Variants in ELP4 observed in about 807,000 individuals in gnomAD.
ELP4 encodes elongator acetyltransferase complex subunit 4, also known as elongator complex protein 4.
ELP4 carries 51 observed loss-of-function variants against 48.9 expected under a neutral mutation model. That is an observed-to-expected ratio of 1.04 (90% CI 0.83 to 1.32). The LOEUF (loss-of-function observed/expected upper bound fraction) is 1.32. Ranked by LOEUF, ELP4 falls within the 40% of genes most tolerant of loss-of-function variation. The pLI is 0.00. For missense variants in ELP4, 519 were observed against 514.6 expected (o/e 1.01, Z -0.08); for synonymous variants, 210 against 189.2 (o/e 1.11, Z -0.90).
At chr11:31,620,371 G>A (rs888285908) in intron 5 of ELP4, among the ~76,000 whole-genome samples, 3 of 152,004 alleles carry the variant, frequency 2.0e-5, no homozygotes, top group African/African-American at 7.2e-5. Flanking sequence ...TGAAAGGTGT[G>A]GTAGACAATG....
At chr11:31,586,736 G>T (rs2133979200) in intron 3 of ELP4, among the ~76,000 whole-genome samples, 1 of 151,980 alleles carries the variant, frequency 6.6e-6, no homozygotes, top group Non-Finnish European at 1.5e-5. Context: ...CCGCCTCCTG[G>T]GTTCAACGCC....
chr11:31,664,000 GTAGAA>G (rs1479512771), intron 9 of ELP4: 3 of 152,156 alleles, frequency 2.0e-5, no homozygotes, highest in East Asian at 3.9e-4. Context: ...TGTTTACGAT[GTAGAA>G]TAGAAGATTG....
At chr11:31,511,477 T>A (rs1250976683) in intron 1 of ELP4, 1 of 152,136 alleles carries the variant, frequency 6.6e-6, no homozygotes, top group Non-Finnish European at 1.5e-5. Flanking sequence ...AGATTCTCAG[T>A]AAGTTGTTGA....
chr11:31,594,734 A>G (rs781551571), intron 3 of ELP4, 36 bp from the exon 4 acceptor site: 5 of 1,431,172 alleles, frequency 3.5e-6, no homozygotes, highest in Non-Finnish European at 4.6e-6. Context: ...ATATTTTACC[A>G]CAGAATCTCA....
At chr11:31,510,321 G>A (rs1565027114) in intron 1 of ELP4, 2 of 506,352 alleles carry the variant, frequency 3.9e-6, no homozygotes, top group East Asian at 5.7e-5. Flanking sequence ...ATTAATTTAT[G>A]GAGATGGTTT....
At chr11:31,730,824 C>T (rs1350712791) in intron 9 of ELP4, among the ~76,000 whole-genome samples, 2 of 152,162 alleles carry the variant, frequency 1.3e-5, no homozygotes, top group Non-Finnish European at 2.9e-5. Context: ...TTCCTTCTAG[C>T]CTGACATAGG....
At chr11:31,583,786 A>G (rs1195185113) in intron 3 of ELP4, among the ~76,000 whole-genome samples, 3 of 152,192 alleles carry the variant, frequency 2.0e-5, no homozygotes, top group South Asian at 4.1e-4. Flanking sequence ...CCTATTTTCT[A>G]TTCTAGAACT....
At chr11:31,576,646 A>G (rs993989656) in intron 3 of ELP4, among the ~76,000 whole-genome samples, 1 of 152,192 alleles carries the variant, frequency 6.6e-6, no homozygotes, top group African/African-American at 2.4e-5. Flanking sequence ...CTCACTCAAA[A>G]CCACTCAACT....
intron 7 of ELP4, chr11:31,646,022 G>A (rs911681519): frequency 6.6e-6 from 1 of 151,648 alleles, no homozygotes; most frequent in Non-Finnish European, 1.5e-5. Flanking sequence ...CAACCTGGAT[G>A]AGTTTGATAT....
rs185471386 is a variant in ELP4 at position 31,550,293 on chromosome 11, G to A, written c.381+10510G>A. Among the ~76,000 whole-genome samples the A allele has an allele frequency of 3.8e-3, 577 of 152,142 alleles. 5 individuals are homozygous for A. Among genetic ancestry groups the A allele is most frequent in the African/African-American group, 0.013 (520 of 41,526 alleles). ...ATAAAGTCATTAATGGTGAGAAAGA[G>A]AATAGAGGAAAAATGCAGAATTTGG... On this transcript the variant is annotated intron_variant, in intron 3 of 9. Transcript: ENST00000640961.
intron 5 of ELP4, among the ~76,000 whole-genome samples, chr11:31,622,314 C>T (rs1028803130): frequency 6.6e-6 from 1 of 151,566 alleles, no homozygotes; most frequent in East Asian, 1.9e-4. Flanking sequence ...GTATATTGTT[C>T]TTTACTCATA....
Position 31,758,418 on chromosome 11 carries a change from G to A in ELP4, c.1144-24975G>A, listed in dbSNP as rs549047425. Among the ~76,000 whole-genome samples the A allele has an allele frequency of 9.8e-5, 15 of 152,324 alleles. No individual in the cohort carries two copies. In the South Asian group the frequency reaches 3.1e-3, roughly 32 times the overall value. On this transcript the variant is annotated intron_variant, in intron 9 of 9. Coordinates refer to ENST00000640961, the MANE Select transcript of ELP4 (RefSeq NM_019040.5). ...AATGGTTGTTGAAATCAAATAGATA[G>A]ACTTATAGGAACTTGATTGTTAAGC...
intron 9 of ELP4, among the ~76,000 whole-genome samples, chr11:31,699,213 C>T (rs1230634574): frequency 5.3e-5 from 8 of 152,076 alleles, no homozygotes; most frequent in Admixed American, 2.6e-4. Context: ...AGGGAAGCCT[C>T]TTGGCAAGAT....
intron 9 of ELP4, among the ~76,000 whole-genome samples, chr11:31,680,694 G>A (rs927554849): frequency 6.6e-6 from 1 of 152,146 alleles, no homozygotes; most frequent in African/African-American, 2.4e-5. Context: ...AATGTTGTAT[G>A]CAATAGAGAA....
At chr11:31,683,014 G>A (rs1946086562) in intron 9 of ELP4, among the ~76,000 whole-genome samples, 1 of 151,824 alleles carries the variant, frequency 6.6e-6, no homozygotes, top group Non-Finnish European at 1.5e-5. Flanking sequence ...AGTATATTTG[G>A]TACTAGCCAA....
At chr11:31,576,670 A>G (rs1424372621) in intron 3 of ELP4, among the ~76,000 whole-genome samples, 3 of 152,208 alleles carry the variant, frequency 2.0e-5, no homozygotes, top group Non-Finnish European at 4.4e-5. Flanking sequence ...TGGAAACTGA[A>G]CAACCTGCTC....
At chr11:31,546,587 G>T (rs1434002580) in intron 3 of ELP4, among the ~76,000 whole-genome samples, 11 of 152,020 alleles carry the variant, frequency 7.2e-5, no homozygotes, top group Non-Finnish European at 1.5e-4. Flanking sequence ...GAGACAGAAA[G>T]TCAACAAAGA....
At chr11:31,705,796 G>T (rs561242282) in intron 9 of ELP4, among the ~76,000 whole-genome samples, 1 of 152,156 alleles carries the variant, frequency 6.6e-6, no homozygotes, top group East Asian at 1.9e-4. Context: ...ATTCTACATG[G>T]TAAATTTTCA....
intron 9 of ELP4, among the ~76,000 whole-genome samples, chr11:31,690,796 C>CTTTTTTTTTT: frequency 9.1e-6 from 1 of 109,612 alleles, no homozygotes; most frequent in Non-Finnish European, 1.9e-5. Context: ...GTTTTTTTTC[C>CTTTTTTTTTT]TTTTTTTTTT....
Sources: gnomAD v4.1 joint callset for allele counts (sites outside exome capture counted in the v4.1 genomes callset) on GRCh38, gnomAD v4.1.1 for gene constraint, MANE v1.5 for transcripts, NCBI Gene and HGNC (gene_info 2026-07-23, HGNC 2026-07-21) for gene names.